PCDH15: variants seen among roughly 807,000 people sequenced by gnomAD.
The protein encoded by PCDH15 is protocadherin related 15.
In PCDH15, 129 loss-of-function variants were observed where a neutral mutation model predicts 178.5. That is an observed-to-expected ratio of 0.72 (90% CI 0.63 to 0.84). The LOEUF is 0.84. Among genes scored for constraint, PCDH15 ranks in the 40% least tolerant of loss-of-function variants. PCDH15 has a pLI of 0.00. For missense variants in PCDH15, 2,230 were observed against 2,099.9 expected (o/e 1.06, Z -1.21); for synonymous variants, 800 against 732.0 (o/e 1.09, Z -1.50).
chr10:53,891,025 C>G (rs1407370563), intron 26 of PCDH15, among the ~76,000 whole-genome samples: 9 of 152,072 alleles, frequency 5.9e-5, no homozygotes, highest in African/African-American at 2.2e-4. Context: ...TATTGATAGA[C>G]AATTCAAAAT....
Position 55,108,204 on chromosome 10 carries a change from G to A in PCDH15, c.-80+58372C>T, listed in dbSNP as rs565529461. On this transcript the variant is annotated intron_variant, in intron 2 of 5. Coordinates refer to the PCDH15 transcript ENST00000458638. ...AACTGTGAGAAATCAATGTTTGTTGGTTAGGCTGCCCAGTCTATGGTAGTT... is the reference window on the plus strand; with the variant it reads ...AACTGTGAGAAATCAATGTTTGTTGATTAGGCTGCCCAGTCTATGGTAGTT... Among the ~76,000 whole-genome samples the A allele has an allele frequency of 3.9e-5, 6 of 152,236 alleles. No individual in the cohort carries two copies. In the South Asian group the frequency reaches 1.2e-3, roughly 32 times the overall value.
intron 1 of PCDH15, among the ~76,000 whole-genome samples, chr10:54,731,563 T>TATATATATATATATATATATATAC: frequency 2.0e-4 from 10 of 49,912 alleles, no homozygotes; most frequent in Non-Finnish European, 3.2e-4. Flanking sequence ...TATATATATA[T>TATATATATATATATATATATATAC]ACACACACAC....
intron 2 of PCDH15, among the ~76,000 whole-genome samples, chr10:55,408,320 A>G (rs1453398355): frequency 2.6e-5 from 4 of 151,600 alleles, no homozygotes; most frequent in Non-Finnish European, 5.9e-5. Flanking sequence ...CGAGTAGCTG[A>G]GACTACAGGC....
intron 6 of PCDH15, among the ~76,000 whole-genome samples, chr10:54,340,240 G>A (rs1941975840): frequency 6.6e-6 from 1 of 151,922 alleles, no homozygotes; most frequent in South Asian, 2.1e-4. Context: ...TATCTAATAT[G>A]CATCAGCAAG....
chr10:54,083,840 T>C, intron 16 of PCDH15, among the ~76,000 whole-genome samples: 1 of 152,188 alleles, frequency 6.6e-6, no homozygotes, highest in East Asian at 1.9e-4. Context: ...ACCAAGCTTT[T>C]GGGCTACGTT....
intron 21 of PCDH15, among the ~76,000 whole-genome samples, chr10:53,972,893 A>G (rs2089857070): frequency 6.6e-6 from 1 of 152,178 alleles, no homozygotes; most frequent in Non-Finnish European, 1.5e-5. Context: ...CGATTCCTCA[A>G]GGATCTAGAA....
Position 54,527,887 on chromosome 10 carries a change from GA to G in PCDH15, c.92-11del. The stretch of plus-strand genomic sequence containing the variant: ...CTAGCTAGTTTGCAATCTAAAGAGA[GA>G]AAATAACCAAAAGTAATAATTGACT... On this transcript the variant is annotated splice_polypyrimidine_tract_variant and intron_variant, in intron 2 of 37. Coordinates refer to ENST00000644397, the MANE Select transcript of PCDH15 (RefSeq NM_001384140.1). The G allele has an allele frequency of 6.2e-7, 1 of 1,604,480 alleles. No homozygotes were observed. The highest frequency in any genetic ancestry group is 1.1e-5 in the South Asian group (1 of 90,698).
At chr10:54,769,624 A>G (rs920681572) in intron 1 of PCDH15, among the ~76,000 whole-genome samples, 2 of 152,008 alleles carry the variant, frequency 1.3e-5, no homozygotes, top group African/African-American at 4.8e-5. Flanking sequence ...TGCCATGAGA[A>G]AGCAGACTGT....
At chr10:55,364,518 C>A (rs1451225347) in intron 2 of PCDH15, among the ~76,000 whole-genome samples, 1 of 151,972 alleles carries the variant, frequency 6.6e-6, no homozygotes, top group Non-Finnish European at 1.5e-5. Context: ...TATCTCTGGT[C>A]TTTAGCAGTT....
chr10:54,125,562 G>A (rs1046678337), intron 15 of PCDH15, among the ~76,000 whole-genome samples: 7 of 152,202 alleles, frequency 4.6e-5, no homozygotes, highest in African/African-American at 1.7e-4. Context: ...AAGCAAAGCT[G>A]AAGGGAATAA....
chr10:54,499,517 A>T (rs1338064280), intron 3 of PCDH15, among the ~76,000 whole-genome samples: 1 of 152,172 alleles, frequency 6.6e-6, no homozygotes, highest in African/African-American at 2.4e-5. Context: ...TACCAAGAAC[A>T]TCTCTTAAAA....
intron 2 of PCDH15, among the ~76,000 whole-genome samples, chr10:54,656,444 C>T (rs114080320): frequency 1.6e-3 from 240 of 152,180 alleles, no homozygotes; most frequent in African/African-American, 5.5e-3. Flanking sequence ...CAATGATGTC[C>T]GTGGCAATTT....
At chr10:53,836,355 C>T (rs963701408) in intron 29 of PCDH15, among the ~76,000 whole-genome samples, 2 of 152,138 alleles carry the variant, frequency 1.3e-5, no homozygotes, top group African/African-American at 4.8e-5. Flanking sequence ...TTCCATGACC[C>T]ACCTCTTCCT....
chr10:55,502,942 C>T (rs1222760476), intron 2 of PCDH15, among the ~76,000 whole-genome samples: 1 of 151,518 alleles, frequency 6.6e-6, no homozygotes, highest in Non-Finnish European at 1.5e-5. Context: ...TGTAACCTAA[C>T]TGTGCAAAAT....
intron 26 of PCDH15, among the ~76,000 whole-genome samples, chr10:53,893,170 C>G (rs571367050): frequency 6.6e-6 from 1 of 151,522 alleles, no homozygotes; most frequent in Non-Finnish European, 1.5e-5. Context: ...AAAAATAGCC[C>G]AGTTGTTCAG....
intron 2 of PCDH15, among the ~76,000 whole-genome samples, chr10:54,649,563 C>A (rs2094207796): frequency 6.6e-6 from 1 of 151,982 alleles, no homozygotes; most frequent in Non-Finnish European, 1.5e-5. Context: ...CAATGAAGAA[C>A]AATATATATG....
At chr10:53,992,450 TA>T (rs2091585145) in intron 21 of PCDH15, among the ~76,000 whole-genome samples, 1 of 152,126 alleles carries the variant, frequency 6.6e-6, no homozygotes, top group Admixed American at 6.6e-5. Context: ...TCCTAAAATA[TA>T]TAAAATATAA....
intron 3 of PCDH15, among the ~76,000 whole-genome samples, chr10:54,834,657 A>G (rs1953284915): frequency 6.6e-6 from 1 of 152,206 alleles, no homozygotes; most frequent in Non-Finnish European, 1.5e-5. Context: ...ATTTTAAGGT[A>G]TAATATTGAA....
intron 3 of PCDH15, among the ~76,000 whole-genome samples, chr10:54,519,971 C>T (rs1488643115): frequency 6.6e-6 from 1 of 152,122 alleles, no homozygotes; most frequent in Non-Finnish European, 1.5e-5. Context: ...GAAAGGATTC[C>T]CTATTTAATA....
Sources: gnomAD v4.1 joint callset for allele counts (sites outside exome capture counted in the v4.1 genomes callset) on GRCh38, gnomAD v4.1.1 for gene constraint, MANE v1.5 for transcripts, NCBI Gene and HGNC (gene_info 2026-07-23, HGNC 2026-07-21) for gene names.